The following SCGB1D2 variants were observed in gnomAD, a reference collection of about 807,000 sequenced individuals.
SCGB1D2 encodes the protein lipophilin-B.
Under a neutral mutation model 10.5 loss-of-function variants are expected in SCGB1D2, and 10 were observed. That is an observed-to-expected ratio of 0.95 (90% CI 0.59 to 1.61). The LOEUF (loss-of-function observed/expected upper bound fraction) is 1.61, where lower values mean the gene tolerates loss of function less well. SCGB1D2 is among the 40% of genes most tolerant of loss of function. SCGB1D2 has a pLI of 0.00. For missense variants in SCGB1D2, 113 were observed against 103.8 expected (o/e 1.09, Z -0.38); for synonymous variants, 42 against 42.8 (o/e 0.98, Z 0.08).
rs761692360 is a variant in SCGB1D2, at chr11:62,243,347, T to C, written c.114T>C (p.Ser38=). The change falls in exon 2 of 3, where the codon AGT becomes AGC. Residue 38 remains serine (S), a synonymous_variant. Coordinates refer to ENST00000244926, the MANE Select transcript of SCGB1D2 (RefSeq NM_006551.4). ...AGCTGTTAGACTTCTTCTTCATTAG[T>C]GAACCTCTGTTCAAGTTAAGTCTTG... ...VSELLDFFFI[S]EPLFKLSLAK... is the part of the protein sequence containing the mutation. The C allele has an allele frequency of 6.2e-7, 1 of 1,614,092 alleles. No homozygotes were observed. The highest frequency in any genetic ancestry group is 1.3e-5 in the African/African-American group (1 of 75,056).
chr11:62,243,788 G>C (rs4122117), intron 2 of SCGB1D2, among the ~76,000 whole-genome samples: 59,967 of 152,076 alleles, frequency 0.39, 12,991 homozygotes, highest in East Asian at 0.8. Flanking sequence ...AAGCATGGCC[G>C]CCTCGCTGCT....
In SCGB1D2 at chr11:62,242,302, G is replaced by A; in HGVS notation, c.-6G>A. On this transcript the variant is annotated 5_prime_UTR_variant, in exon 1 of 3. Transcript: ENST00000244926. ...GAAAGCTGAGCTCACAGCAAAACAA[G>A]CCACCATGAAGCTGTCGGTGTGTCT... The A allele has an allele frequency of 6.2e-7, 1 of 1,613,994 alleles. No homozygotes were observed. The highest frequency in any genetic ancestry group is 1.1e-5 in the South Asian group (1 of 91,074).
chr11:62,243,744 T>G (rs948834265), intron 2 of SCGB1D2, among the ~76,000 whole-genome samples: 3 of 151,684 alleles, frequency 2.0e-5, no homozygotes, highest in African/African-American at 7.3e-5. Flanking sequence ...ACATGGGGAG[T>G]GAGCCTGGGC....
rs778428310 is a variant in SCGB1D2, at chr11:62,243,481, C to A, written c.243+5C>A. 1 of 1,609,106 alleles carries A rather than the reference C, an allele frequency of 6.2e-7. No individual in the cohort carries two copies. Among genetic ancestry groups the A allele is most frequent in the Non-Finnish European group, 8.5e-7 (1 of 1,177,042 alleles). The stretch of plus-strand genomic sequence containing the variant: ...AGCCTCATTGCGGAAGTCCTGGTAA[C>A]TTCTTTCTCCTTTATTTGTTAAGGC... On this transcript the variant is annotated splice_donor_5th_base_variant and intron_variant, in intron 2 of 2. Coordinates refer to ENST00000244926, the MANE Select transcript of SCGB1D2 (RefSeq NM_006551.4).
Position 62,243,351 on chromosome 11 carries a change from C to A in SCGB1D2, c.118C>A (p.Pro40Thr), listed in dbSNP as rs1347234946. The stretch of plus-strand genomic sequence containing the variant: ...GTTAGACTTCTTCTTCATTAGTGAA[C>A]CTCTGTTCAAGTTAAGTCTTGCCAA... ...ELLDFFFISE[P>T]LFKLSLAKFD... Residue 40 changes from proline (P) to threonine (T), a missense_variant, in exon 2 of 3, where the codon CCT (proline) becomes ACT (threonine). Coordinates refer to ENST00000244926, the MANE Select transcript of SCGB1D2 (RefSeq NM_006551.4). 3.1e-6 allele frequency: 5 copies of A among 1,613,918 alleles called. No homozygotes were observed. Among genetic ancestry groups the A allele is most frequent in the African/African-American group, 1.3e-5 (1 of 74,936 alleles).
Position 62,242,306 on chromosome 11 carries a change from C to G in SCGB1D2, c.-2C>G, listed in dbSNP as rs749685773. On this transcript the variant is annotated 5_prime_UTR_variant, in exon 1 of 3. Coordinates refer to ENST00000244926, the MANE Select transcript of SCGB1D2 (RefSeq NM_006551.4). ...GCTGAGCTCACAGCAAAACAAGCCA[C>G]CATGAAGCTGTCGGTGTGTCTCCTG... 5 of 1,614,056 alleles carry G rather than the reference C, an allele frequency of 3.1e-6. No individual in the cohort carries two copies. The Admixed American group carries it at 8.3e-5, about 27-fold the overall frequency.
intron 1 of SCGB1D2, among the ~76,000 whole-genome samples, chr11:62,243,022 G>T (rs1030743345): frequency 6.6e-6 from 1 of 152,206 alleles, no homozygotes; most frequent in African/African-American, 2.4e-5. Flanking sequence ...AGCCCAGGAG[G>T]TAGAGGCTGC....
At chr11:62,242,604 C>T (rs761756312) in intron 1 of SCGB1D2, among the ~76,000 whole-genome samples, 11 of 152,232 alleles carry the variant, frequency 7.2e-5, no homozygotes, top group Non-Finnish European at 1.5e-4. Flanking sequence ...CTGAGCTTCA[C>T]TCCTGGGTGG....
rs1052069781 is a variant in SCGB1D2, at chr11:62,243,223, G to C, written c.56-66G>C. On this transcript the variant is annotated intron_variant, in intron 1 of 2. Coordinates refer to ENST00000244926, the MANE Select transcript of SCGB1D2 (RefSeq NM_006551.4). ...CCCAGGGGATCCTGTCTGGTCTAAC[G>C]TCAGGGAGCCAAAGAGAAAAATCGA... 6.7e-6 allele frequency: 9 copies of C among 1,338,876 alleles called. No homozygotes were observed. The Admixed American group carries it at 1.2e-4, about 19-fold the overall frequency. 82.9% of individuals were successfully genotyped at this position (1,338,876 alleles called of 1,614,324 possible).
Position 62,242,314 on chromosome 11 carries a change from CTGTCGGTG to C in SCGB1D2, c.12_19del (p.Val5ProfsTer23). On this transcript the variant is annotated frameshift_variant, in exon 1 of 3. Transcript: ENST00000244926. LOFTEE classifies it high-confidence loss of function. ...CACAGCAAAACAAGCCACCATGAAG[CTGTCGGTG>C]TGTCTCCTGCTGGTCACGCTGGCCC... 1 of 1,614,108 alleles carries C rather than the reference CTGTCGGTG, an allele frequency of 6.2e-7. No homozygotes were observed. Among genetic ancestry groups the C allele is most frequent in the Non-Finnish European group, 8.5e-7 (1 of 1,179,980 alleles).
rs929154591 is a variant in SCGB1D2, at chr11:62,243,215, G to A, written c.56-74G>A. The A allele has an allele frequency of 1.0e-5, 12 of 1,192,660 alleles. No individual in the cohort carries two copies. In the African/African-American group the frequency reaches 1.8e-4, roughly 18 times the overall value. 73.9% of individuals were successfully genotyped at this position (1,192,660 alleles called of 1,614,324 possible). ...ACATATAACCCAGGGGATCCTGTCT[G>A]GTCTAACGTCAGGGAGCCAAAGAGA... On this transcript the variant is annotated intron_variant, in intron 1 of 2. Coordinates refer to ENST00000244926, the MANE Select transcript of SCGB1D2 (RefSeq NM_006551.4).
intron 1 of SCGB1D2, 112 bp downstream of exon 1, chr11:62,242,474 A>T (rs1945071003): frequency 2.0e-6 from 2 of 1,025,114 alleles, no homozygotes; most frequent in African/African-American, 1.6e-5. Context: ...AAAATTCCAA[A>T]CCTTTTTCTG....
Position 62,243,438 on chromosome 11 carries a change from A to G in SCGB1D2, c.205A>G (p.Met69Val). Reference protein sequence around the residue: ...KLGVKRCTDQMSLQKRSLIAE... With the variant: ...KLGVKRCTDQVSLQKRSLIAE... The stretch of plus-strand genomic sequence containing the variant: ...AGGAGTGAAGAGATGCACGGATCAG[A>G]TGTCCCTTCAGAAACGAAGCCTCAT... The change falls in exon 2 of 3, where the codon ATG (methionine) becomes GTG (valine). Residue 69 changes from methionine to valine, a missense_variant. Transcript: ENST00000244926. 3 of 1,613,538 alleles carry G rather than the reference A, an allele frequency of 1.9e-6. No individual in the cohort carries two copies. The highest frequency in any genetic ancestry group is 2.5e-6 in the Non-Finnish European group (3 of 1,179,890).
At chr11:62,244,175 T>C (rs1040091101) in intron 2 of SCGB1D2, among the ~76,000 whole-genome samples, 1 of 152,208 alleles carries the variant, frequency 6.6e-6, no homozygotes, top group Non-Finnish European at 1.5e-5. Flanking sequence ...GTTGCTGTCC[T>C]GAGGTTTAGC....
rs758287827 is a variant in SCGB1D2, at chr11:62,242,335, G to A, written c.28G>A (p.Val10Ile). 5.6e-6 allele frequency: 9 copies of A among 1,613,964 alleles called. No individual in the cohort carries two copies. The East Asian group carries it at 2.0e-4, about 36-fold the overall frequency. The stretch of plus-strand genomic sequence containing the variant: ...GAAGCTGTCGGTGTGTCTCCTGCTG[G>A]TCACGCTGGCCCTCTGCTGCTACCA... MKLSVCLLL[V>I]TLALCCYQAN... is the part of the protein sequence containing the mutation. The change falls in exon 1 of 3, where the codon GTC (valine) becomes ATC (isoleucine). Residue 10 changes from valine (V) to isoleucine (I), a missense_variant. Coordinates refer to ENST00000244926, the MANE Select transcript of SCGB1D2 (RefSeq NM_006551.4).
intron 1 of SCGB1D2, 67 bp from the exon 2 acceptor site, chr11:62,243,222 C>T (rs1277317607): frequency 7.6e-6 from 10 of 1,314,412 alleles, no homozygotes; most frequent in Admixed American, 1.8e-5. Context: ...TCTGGTCTAA[C>T]GTCAGGGAGC....
chr11:62,243,535 G>T, intron 2 of SCGB1D2, 59 bp downstream of exon 2: 2 of 1,451,076 alleles, frequency 1.4e-6, no homozygotes, highest in Non-Finnish European at 1.9e-6. Flanking sequence ...TATGAAGTGA[G>T]GTCAGCTTGC....
chr11:62,243,384 G>A lies in SCGB1D2; in HGVS notation c.151G>A (p.Ala51Thr). Residue 51 changes from alanine to threonine, a missense_variant, in exon 2 of 3, where the codon GCC (alanine) becomes ACC (threonine). By Grantham distance (58) the Ala-to-Thr change is moderately conservative (BLOSUM62 0). Transcript: ENST00000244926. Reference sequence around the variant, plus strand: ...CAAGTTAAGTCTTGCCAAATTTGATGCCCCTCCGGAAGCTGTTGCAGCCAA... The same window carrying A: ...CAAGTTAAGTCTTGCCAAATTTGATACCCCTCCGGAAGCTGTTGCAGCCAA... ...LFKLSLAKFD[A>T]PPEAVAAKLG... 1.9e-6 allele frequency: 3 copies of A among 1,613,984 alleles called. No individual in the cohort carries two copies. The highest frequency in any genetic ancestry group is 2.5e-6 in the Non-Finnish European group (3 of 1,179,870).
intron 1 of SCGB1D2, among the ~76,000 whole-genome samples, chr11:62,242,875 C>T (rs1249473297): frequency 6.6e-6 from 1 of 152,196 alleles, no homozygotes; most frequent in Non-Finnish European, 1.5e-5. Flanking sequence ...ATTGCTTGAG[C>T]TCAGGAGTTT....
Sources: allele counts gnomAD v4.1 joint callset (sites outside exome capture counted in the v4.1 genomes callset), GRCh38; gene constraint gnomAD v4.1.1; transcripts MANE v1.5; gene names NCBI Gene and HGNC (gene_info 2026-07-23, HGNC 2026-07-21).